The following NEK10 variants were observed in gnomAD, a reference collection of about 807,000 sequenced individuals.
The protein encoded by NEK10 is serine/threonine-protein kinase Nek10.
NEK10 carries 122 observed loss-of-function variants against 159.8 expected under a neutral mutation model. The ratio of observed to expected loss-of-function variants is 0.76; its 90% CI spans 0.66 to 0.89. The LOEUF is 0.89. NEK10 is among the 40% of genes least tolerant of loss of function. NEK10 has a pLI of 0.00. For synonymous variants in NEK10, 466 were observed against 457.1 expected (o/e 1.02, Z -0.25); for missense variants, 1,342 against 1,323.1 (o/e 1.01, Z -0.22).
chr3:27,241,681 C>A (rs376070616), intron 23 of NEK10, among the ~76,000 whole-genome samples: 1 of 152,194 alleles, frequency 6.6e-6, no homozygotes, highest in Non-Finnish European at 1.5e-5. Context: ...CCTAGGATCA[C>A]CTCCAGAATA....
chr3:27,228,992 C>T (rs1450708853), intron 23 of NEK10, among the ~76,000 whole-genome samples: 1 of 152,164 alleles, frequency 6.6e-6, no homozygotes, highest in Non-Finnish European at 1.5e-5. Flanking sequence ...ATCTACGCAC[C>T]TGACCTAGCT....
At chr3:27,272,491 T>A (rs1232649967) in intron 22 of NEK10, among the ~76,000 whole-genome samples, 1 of 152,234 alleles carries the variant, frequency 6.6e-6, no homozygotes, top group African/African-American at 2.4e-5. Flanking sequence ...AAAAAGGGGA[T>A]GCACTTCTTT....
chr3:27,224,325 G>A (rs113885199), intron 23 of NEK10, among the ~76,000 whole-genome samples: 107 of 152,336 alleles, frequency 7.0e-4, no homozygotes, highest in African/African-American at 2.4e-3. Context: ...TGGCAGTCTG[G>A]TGAGAGCTGT....
intron 32 of NEK10, among the ~76,000 whole-genome samples, chr3:27,120,758 T>C (rs1344167999): frequency 6.6e-6 from 1 of 152,208 alleles, no homozygotes; most frequent in Non-Finnish European, 1.5e-5. Context: ...TTCAATCATT[T>C]AATGCCTTTC....
intron 28 of NEK10, among the ~76,000 whole-genome samples, chr3:27,174,158 C>T (rs1048732216): frequency 3.3e-5 from 5 of 152,180 alleles, no homozygotes; most frequent in African/African-American, 1.2e-4. Flanking sequence ...GGTTATTTGG[C>T]TGTCTCCAAG....
At chr3:27,252,401 G>A (rs1053597493) in intron 23 of NEK10, among the ~76,000 whole-genome samples, 17 of 152,128 alleles carry the variant, frequency 1.1e-4, no homozygotes, top group Admixed American at 2.0e-4. Context: ...AGATCTGAAG[G>A]AACAGCAAGA....
At chr3:27,334,934 T>G (rs776587138) in intron 5 of NEK10, among the ~76,000 whole-genome samples, 34 of 152,216 alleles carry the variant, frequency 2.2e-4, no homozygotes, top group Non-Finnish European at 4.4e-4. Flanking sequence ...TTCAAATTGT[T>G]TCAAAAGAAG....
intron 1 of NEK10, among the ~76,000 whole-genome samples, chr3:27,365,902 G>A (rs1177507647): frequency 6.6e-6 from 1 of 151,880 alleles, no homozygotes; most frequent in Non-Finnish European, 1.5e-5. Flanking sequence ...GGCCATTCCT[G>A]TTTTTTAAAT....
intron 30 of NEK10, among the ~76,000 whole-genome samples, chr3:27,146,155 G>A (rs190969019): frequency 6.4e-4 from 98 of 152,320 alleles, no homozygotes; most frequent in Non-Finnish European, 1.0e-3. Flanking sequence ...CTAGTGCTGT[G>A]CACTACATTC....
At chr3:27,302,891 C>T (rs1045448177) in intron 12 of NEK10, among the ~76,000 whole-genome samples, 3 of 152,122 alleles carry the variant, frequency 2.0e-5, no homozygotes, top group African/African-American at 7.2e-5. Flanking sequence ...GGGATCTCTT[C>T]ACCTGATCAA....
intron 25 of NEK10, chr3:27,194,536 C>T (rs1400774587): frequency 6.6e-6 from 1 of 152,172 alleles, no homozygotes; most frequent in African/African-American, 2.4e-5. Context: ...GATATTCTCA[C>T]CTCATCCACT....
chr3:27,292,132 C>T (rs191938714), intron 16 of NEK10, among the ~76,000 whole-genome samples: 249 of 152,212 alleles, frequency 1.6e-3, no homozygotes, highest in African/African-American at 5.6e-3. Flanking sequence ...TGCTGTACAA[C>T]CTTGTGCTTA....
Position 27,197,904 on chromosome 3 carries a change from G to A in NEK10, c.2291+3606C>T, listed in dbSNP as rs1016413119. On this transcript the variant is annotated intron_variant, in intron 25 of 35. Transcript: ENST00000691995. ...ATTGGTGTGCTGCACCCATTAACTC[G>A]TCAATACTATGTTGAAGTATTGTCT... Among the ~76,000 whole-genome samples the A allele has an allele frequency of 5.9e-5, 9 of 151,454 alleles. No individual in the cohort carries two copies. The East Asian group carries it at 7.8e-4, about 13-fold the overall frequency.
At chr3:27,129,795 A>G (rs991125180) in intron 32 of NEK10, among the ~76,000 whole-genome samples, 1 of 152,186 alleles carries the variant, frequency 6.6e-6, no homozygotes, top group Admixed American at 6.6e-5. Flanking sequence ...TAAGGTAGAT[A>G]AAAAGCTATT....
At chr3:27,184,313 C>T (rs990262804) in intron 26 of NEK10, among the ~76,000 whole-genome samples, 16 of 152,144 alleles carry the variant, frequency 1.1e-4, no homozygotes, top group African/African-American at 3.9e-4. Flanking sequence ...GGAAAAAAAG[C>T]CAGCCACTAA....
At chr3:27,223,362 C>T (rs1039602613) in intron 23 of NEK10, among the ~76,000 whole-genome samples, 4 of 152,174 alleles carry the variant, frequency 2.6e-5, no homozygotes, top group Admixed American at 6.5e-5. Context: ...CCTACCATTG[C>T]TTGTCATGAT....
intron 35 of NEK10, among the ~76,000 whole-genome samples, chr3:27,113,916 G>C (rs966197994): frequency 6.6e-6 from 1 of 152,100 alleles, no homozygotes; most frequent in Non-Finnish European, 1.5e-5. Flanking sequence ...ATGATCCCAA[G>C]TCTCTGAGAA....
At chr3:27,130,222 T>C (rs1164868188) in intron 32 of NEK10, among the ~76,000 whole-genome samples, 2 of 152,032 alleles carry the variant, frequency 1.3e-5, no homozygotes, top group South Asian at 2.1e-4. Context: ...TATAGGAGAG[T>C]ATAATCTGCC....
intron 24 of NEK10, 23 bp from the exon 25 acceptor site, chr3:27,201,603 T>A: frequency 1.3e-6 from 2 of 1,593,814 alleles, no homozygotes; most frequent in Non-Finnish European, 1.7e-6. Flanking sequence ...CAGACTAGAG[T>A]GATGGAAGTA....
Sources: gnomAD v4.1 joint callset for allele counts (sites outside exome capture counted in the v4.1 genomes callset) on GRCh38, gnomAD v4.1.1 for gene constraint, MANE v1.5 for transcripts, NCBI Gene and HGNC (gene_info 2026-07-23, HGNC 2026-07-21) for gene names.